The following PRKCE variants were observed in gnomAD, a reference collection of about 807,000 sequenced individuals.
PRKCE encodes protein kinase C epsilon, also known as protein kinase C epsilon type.
Under a neutral mutation model 85.4 loss-of-function variants are expected in PRKCE, and 16 were observed. The ratio of observed to expected loss-of-function variants is 0.19; its 90% CI spans 0.13 to 0.28. The LOEUF is 0.28. Among genes scored for constraint, PRKCE ranks in the 10% least tolerant of loss-of-function variants. The probability of loss-of-function intolerance (pLI) is 1.00; values close to 1 mark genes in which losing one functional copy is unlikely to be tolerated. For missense variants in PRKCE, 573 were observed against 975.2 expected (o/e 0.59, Z 5.49); for synonymous variants, 388 against 371.5 (o/e 1.04, Z -0.51).
At chr2:46,132,712 G>A (rs772403567) in intron 11 of PRKCE, among the ~76,000 whole-genome samples, 21 of 152,126 alleles carry the variant, frequency 1.4e-4, no homozygotes, top group African/African-American at 3.6e-4. Flanking sequence ...ACACGTGCGC[G>A]CACAAACACA....
At chr2:45,722,035 T>TG (rs1680669174) in intron 1 of PRKCE, among the ~76,000 whole-genome samples, 2 of 152,028 alleles carry the variant, frequency 1.3e-5, no homozygotes, top group South Asian at 4.1e-4. Flanking sequence ...TCTGTTTATT[T>TG]GGGGTACACC....
intron 2 of PRKCE, among the ~76,000 whole-genome samples, chr2:45,893,616 C>G (rs1204796886): frequency 6.6e-6 from 1 of 151,806 alleles, no homozygotes; most frequent in Non-Finnish European, 1.5e-5. Context: ...CCCGCCTCAG[C>G]CTCCCAAAGT....
At chr2:45,926,254 C>G (rs1302076646) in intron 2 of PRKCE, among the ~76,000 whole-genome samples, 1 of 152,170 alleles carries the variant, frequency 6.6e-6, no homozygotes, top group Non-Finnish European at 1.5e-5. Context: ...TTTCCTTTCT[C>G]CAGGGCCATG....
At chr2:45,830,451 C>T (rs931756900) in intron 1 of PRKCE, among the ~76,000 whole-genome samples, 21 of 151,976 alleles carry the variant, frequency 1.4e-4, no homozygotes, top group Non-Finnish European at 1.9e-4. Context: ...ATCTCCTAGA[C>T]TATGGAATAA....
At chr2:45,813,407 A>G (rs1024578712) in intron 1 of PRKCE, among the ~76,000 whole-genome samples, 1 of 152,220 alleles carries the variant, frequency 6.6e-6, no homozygotes, top group African/African-American at 2.4e-5. Context: ...AGTGTGAAGC[A>G]GATGCAGTGC....
intron 6 of PRKCE, among the ~76,000 whole-genome samples, chr2:45,988,901 T>A (rs181228426): frequency 1.2e-4 from 18 of 152,338 alleles, no homozygotes; most frequent in African/African-American, 4.3e-4. Flanking sequence ...CTTTTCCACC[T>A]GTTTTATTTT....
chr2:46,050,039 T>G (rs1368506051), intron 10 of PRKCE, among the ~76,000 whole-genome samples: 1 of 152,198 alleles, frequency 6.6e-6, no homozygotes, highest in Non-Finnish European at 1.5e-5. Context: ...TCTTGCAGAA[T>G]TGGAGGCTTG....
chr2:45,703,971 C>T (rs974363701), intron 1 of PRKCE, among the ~76,000 whole-genome samples: 4 of 152,184 alleles, frequency 2.6e-5, no homozygotes, highest in African/African-American at 4.8e-5. Flanking sequence ...ATTTAAATTT[C>T]ACCTGGGTTA....
intron 2 of PRKCE, among the ~76,000 whole-genome samples, chr2:45,856,317 G>A (rs1473647111): frequency 2.0e-5 from 3 of 152,118 alleles, no homozygotes; most frequent in Admixed American, 6.5e-5. Flanking sequence ...TGCAGCCTCT[G>A]CCTCTCAGGT....
chr2:45,680,503 GTTAAACT>G (rs911946672), intron 1 of PRKCE, among the ~76,000 whole-genome samples: 2 of 152,172 alleles, frequency 1.3e-5, no homozygotes, highest in South Asian at 4.1e-4. Context: ...GGTGCCCAGG[GTTAAACT>G]TTAAAGTTGG....
At chr2:45,974,956 G>T (rs559611751) in intron 2 of PRKCE, among the ~76,000 whole-genome samples, 1 of 152,138 alleles carries the variant, frequency 6.6e-6, no homozygotes, top group Non-Finnish European at 1.5e-5. Flanking sequence ...CAGGCAGCTG[G>T]ACTCTTTGGT....
intron 2 of PRKCE, among the ~76,000 whole-genome samples, chr2:45,963,730 C>G (rs890471268): frequency 6.6e-6 from 1 of 152,230 alleles, no homozygotes; most frequent in African/African-American, 2.4e-5. Flanking sequence ...GTCATCTAAT[C>G]AGAATACCCA....
At chr2:46,024,329 G>T (rs1276493343) in intron 10 of PRKCE, among the ~76,000 whole-genome samples, 2 of 150,674 alleles carry the variant, frequency 1.3e-5, no homozygotes, top group Admixed American at 6.6e-5. Flanking sequence ...TTTTGCAGAG[G>T]CAATAGGAAG....
chr2:46,158,646 G>A (rs1677450993), intron 13 of PRKCE, among the ~76,000 whole-genome samples: 1 of 152,138 alleles, frequency 6.6e-6, no homozygotes, highest in South Asian at 2.1e-4. Flanking sequence ...GTATTCCTTT[G>A]GATTACAGTT....
At chr2:45,856,076 T>A (rs951538608) in intron 2 of PRKCE, among the ~76,000 whole-genome samples, 6 of 151,340 alleles carry the variant, frequency 4.0e-5, no homozygotes, top group African/African-American at 7.2e-5. Flanking sequence ...AAAATTTTTT[T>A]AAAAAATTAT....
chr2:46,006,929 G>A (rs1162609059), intron 8 of PRKCE, among the ~76,000 whole-genome samples: 1 of 152,222 alleles, frequency 6.6e-6, no homozygotes, highest in Non-Finnish European at 1.5e-5. Context: ...AAGAAACCCG[G>A]CAACAAGGCT....
chr2:46,094,272 C>T (rs1007319423), intron 11 of PRKCE, among the ~76,000 whole-genome samples: 4 of 152,136 alleles, frequency 2.6e-5, no homozygotes, highest in Non-Finnish European at 5.9e-5. Flanking sequence ...GTATTCCTTG[C>T]CTTCCTCTTT....
chr2:45,862,877 C>T (rs1396693778), intron 2 of PRKCE, among the ~76,000 whole-genome samples: 2 of 152,374 alleles, frequency 1.3e-5, no homozygotes, highest in Non-Finnish European at 2.9e-5. Flanking sequence ...GCAGGGGCTG[C>T]ATTCACATTG....
chr2:45,997,496 C>A (rs1292889459), intron 6 of PRKCE, among the ~76,000 whole-genome samples: 1 of 151,912 alleles, frequency 6.6e-6, no homozygotes, highest in African/African-American at 2.4e-5. Context: ...TTTGCTATAT[C>A]CCACTAATTT....
Sources: allele counts gnomAD v4.1 joint callset (sites outside exome capture counted in the v4.1 genomes callset), GRCh38; gene constraint gnomAD v4.1.1; transcripts MANE v1.5; gene names NCBI Gene and HGNC (gene_info 2026-07-23, HGNC 2026-07-21).